ALX4: variants seen among roughly 807,000 people sequenced by gnomAD.
ALX4 encodes the protein homeobox protein aristaless-like 4.
In ALX4, 22 loss-of-function variants were observed where a neutral mutation model predicts 40.6. The ratio of observed to expected loss-of-function variants is 0.54; its 90% CI spans 0.39 to 0.77. ALX4 has a LOEUF of 0.77. ALX4 is among the 30% of genes least tolerant of loss of function. ALX4 has a pLI of 0.00. For synonymous variants in ALX4, 266 were observed against 240.5 expected, an observed-to-expected ratio of 1.11 and a Z score of -0.98; for missense variants, 556 against 564.8, an observed-to-expected ratio of 0.98 and a Z score of 0.16.
intron 1 of ALX4, among the ~76,000 whole-genome samples, chr11:44,288,701 G>A (rs1409974781): frequency 6.6e-6 from 1 of 152,204 alleles, no homozygotes; most frequent in Non-Finnish European, 1.5e-5. Context: ...TTAGAACATG[G>A]GGCTCCTTTA....
At chr11:44,292,131 C>G (rs1956373151) in intron 1 of ALX4, among the ~76,000 whole-genome samples, 1 of 151,972 alleles carries the variant, frequency 6.6e-6, no homozygotes, top group Non-Finnish European at 1.5e-5. Flanking sequence ...TATACTCATT[C>G]CAATCTAGAG....
At chr11:44,308,033 T>G (rs934474441) in intron 1 of ALX4, among the ~76,000 whole-genome samples, 2 of 152,174 alleles carry the variant, frequency 1.3e-5, no homozygotes, top group Non-Finnish European at 2.9e-5. Context: ...TCATTCCAAC[T>G]GGAGGTGAAG....
intron 1 of ALX4, 111 bp downstream of exon 1, chr11:44,309,485 AC>A: frequency 6.7e-7 from 1 of 1,496,274 alleles, no homozygotes; most frequent in Non-Finnish European, 8.9e-7. Context: ...CAGAGTCACC[AC>A]CCCGCCCCCA....
At chr11:44,297,395 C>T (rs1956408843) in intron 1 of ALX4, among the ~76,000 whole-genome samples, 2 of 152,094 alleles carry the variant, frequency 1.3e-5, no homozygotes, top group South Asian at 2.1e-4. Context: ...CAGTGGCTTC[C>T]CCAAAGTCTG....
chr11:44,267,984 A>T (rs1301563478), intron 2 of ALX4, among the ~76,000 whole-genome samples: 1 of 152,262 alleles, frequency 6.6e-6, no homozygotes, highest in East Asian at 1.9e-4. Context: ...GATAAAAGCT[A>T]CAAATGCTCC....
chr11:44,307,149 G>A (rs1956473508), intron 1 of ALX4, among the ~76,000 whole-genome samples: 2 of 140,550 alleles, frequency 1.4e-5, no homozygotes, highest in Admixed American at 7.0e-5. Context: ...GATAGATAGG[G>A]ATGGAAATGT....
intron 1 of ALX4, among the ~76,000 whole-genome samples, chr11:44,303,167 T>C (rs898702064): frequency 3.3e-5 from 5 of 152,192 alleles, no homozygotes; most frequent in Admixed American, 2.0e-4. Flanking sequence ...CCAGTTGTTC[T>C]GCTCTGACCT....
intron 3 of ALX4, among the ~76,000 whole-genome samples, chr11:44,266,907 T>C (rs1956216811): frequency 6.6e-6 from 1 of 152,160 alleles, no homozygotes; most frequent in Non-Finnish European, 1.5e-5. Context: ...TTTTTGAAAC[T>C]GTACAATTCA....
intron 2 of ALX4, among the ~76,000 whole-genome samples, chr11:44,269,906 T>TG (rs1956235303): frequency 6.6e-6 from 1 of 152,072 alleles, no homozygotes; most frequent in South Asian, 2.1e-4. Flanking sequence ...TGGGGGAAGC[T>TG]GGGGGGAGGG....
At chr11:44,284,072 A>C (rs988635666) in intron 1 of ALX4, among the ~76,000 whole-genome samples, 2 of 152,222 alleles carry the variant, frequency 1.3e-5, no homozygotes, top group Non-Finnish European at 2.9e-5. Context: ...GTTTTAACAC[A>C]TGCAAAGATG....
chr11:44,273,523 G>C (rs1279155448), intron 2 of ALX4, among the ~76,000 whole-genome samples: 2 of 152,290 alleles, frequency 1.3e-5, no homozygotes, highest in East Asian at 1.9e-4. Flanking sequence ...TAGACTTGAT[G>C]CTCTGCGTTT....
intron 1 of ALX4, 42 bp downstream of exon 1, chr11:44,309,555 C>A: frequency 6.5e-7 from 1 of 1,542,998 alleles, no homozygotes; most frequent in Non-Finnish European, 8.7e-7. Flanking sequence ...AAGCCAAGCA[C>A]CCCGTGGTCC....
At chr11:44,291,365 A>G (rs1956367890) in intron 1 of ALX4, among the ~76,000 whole-genome samples, 1 of 151,994 alleles carries the variant, frequency 6.6e-6, no homozygotes, top group African/African-American at 2.4e-5. Context: ...GCACCCAAGT[A>G]CGTGCTGAAT....
chr11:44,285,377 T>C (rs1565004746), intron 1 of ALX4, among the ~76,000 whole-genome samples: 1 of 152,264 alleles, frequency 6.6e-6, no homozygotes, highest in Non-Finnish European at 1.5e-5. Flanking sequence ...CACTATTTTA[T>C]TTAATCCATC....
Position 44,309,640 on chromosome 11 carries a change from T to TTCCTGGAGTTGGAGGCTGCCG in ALX4, c.422_423insCGGCAGCCTCCAACTCCAGGA (p.Gln140_Glu141insAspGlySerLeuGlnLeuGln). ...AGGCCGCGCTGTGGCCGCTGCTGCC[T>TTCCTGGAGTTGGAGGCTGCCG]TCCTGGAGTTTGAGGCTGCCGTCCG... On this transcript the variant is annotated inframe_insertion, in exon 1 of 4. Coordinates refer to ENST00000652299, the MANE Select transcript of ALX4 (RefSeq NM_021926.4). 6.3e-7 allele frequency: 1 copy of TTCCTGGAGTTGGAGGCTGCCG among 1,592,934 alleles called. No individual in the cohort carries two copies.
intron 1 of ALX4, among the ~76,000 whole-genome samples, chr11:44,289,747 G>A (rs1590698185): frequency 6.6e-6 from 1 of 152,284 alleles, no homozygotes; most frequent in East Asian, 1.9e-4. Context: ...ATGCCTCCTG[G>A]GGTGGGATGG....
intron 1 of ALX4, among the ~76,000 whole-genome samples, chr11:44,299,972 C>T (rs185568217): frequency 1.6e-4 from 25 of 152,274 alleles, no homozygotes; most frequent in African/African-American, 4.3e-4. Flanking sequence ...CAGGCAGGGA[C>T]GCTCAGTTGT....
chr11:44,266,366 G>C (rs2135306532), intron 3 of ALX4, among the ~76,000 whole-genome samples: 1 of 152,292 alleles, frequency 6.6e-6, no homozygotes, highest in South Asian at 2.1e-4. Context: ...TTTAGGGAGG[G>C]AGAGGGGAGA....
intron 1 of ALX4, among the ~76,000 whole-genome samples, chr11:44,281,356 T>C (rs1956308987): frequency 6.6e-6 from 1 of 152,020 alleles, no homozygotes; most frequent in African/African-American, 2.4e-5. Flanking sequence ...TGGGCAGTTG[T>C]GTGTGGGTGC....
Sources: gnomAD v4.1 joint callset for allele counts (sites outside exome capture counted in the v4.1 genomes callset) on GRCh38, gnomAD v4.1.1 for gene constraint, MANE v1.5 for transcripts, NCBI Gene and HGNC (gene_info 2026-07-23, HGNC 2026-07-21) for gene names.